The following CSMD3 variants were observed in gnomAD, a reference collection of about 807,000 sequenced individuals.
The protein encoded by CSMD3 is CUB and Sushi multiple domains 3, also known as CUB and sushi domain-containing protein 3.
In CSMD3, 177 loss-of-function variants were observed where a neutral mutation model predicts 435.2. The ratio of observed to expected loss-of-function variants is 0.41; its 90% CI spans 0.36 to 0.46. The LOEUF (loss-of-function observed/expected upper bound fraction) is 0.46, where lower values mean the gene tolerates loss of function less well. CSMD3 is among the 20% of genes least tolerant of loss of function. The pLI is 0.34. For synonymous variants in CSMD3, 1,656 were observed against 1,520.5 expected, an observed-to-expected ratio of 1.09 and a Z score of -2.07; for missense variants, 4,265 against 4,504.6, an observed-to-expected ratio of 0.95 and a Z score of 1.52.
chr8:113,043,011 T>A (rs984762818), intron 5 of CSMD3, among the ~76,000 whole-genome samples: 15 of 152,178 alleles, frequency 9.9e-5, no homozygotes, highest in Non-Finnish European at 1.9e-4. Context: ...CCTCAACATA[T>A]ATAAACAAAA....
intron 6 of CSMD3, among the ~76,000 whole-genome samples, chr8:112,981,724 T>A (rs372539659): frequency 1.1e-4 from 17 of 151,850 alleles, no homozygotes; most frequent in African/African-American, 4.1e-4. Flanking sequence ...TATTACACAA[T>A]GTTTATATGC....
chr8:112,864,783 G>C (rs1234900806), intron 10 of CSMD3, among the ~76,000 whole-genome samples: 2 of 152,078 alleles, frequency 1.3e-5, no homozygotes, highest in Admixed American at 6.6e-5. Context: ...TCATAAAAAT[G>C]CTAACATCCT....
intron 1 of CSMD3, among the ~76,000 whole-genome samples, chr8:113,355,123 T>C (rs530583260): frequency 1.8e-4 from 28 of 152,336 alleles, no homozygotes; most frequent in African/African-American, 6.5e-4. Context: ...TTAATTCATA[T>C]ATGAACTTAT....
chr8:112,328,523 G>GC (rs1445578174), intron 45 of CSMD3, among the ~76,000 whole-genome samples: 4 of 152,142 alleles, frequency 2.6e-5, no homozygotes. Flanking sequence ...AATCAAGAGT[G>GC]AATGCTTATT....
chr8:112,525,369 A>G (rs891754138), intron 27 of CSMD3, among the ~76,000 whole-genome samples: 16 of 149,958 alleles, frequency 1.1e-4, no homozygotes, highest in African/African-American at 3.9e-4. Flanking sequence ...TATTAAATAT[A>G]CATTTTCTTA....
At chr8:112,481,699 C>G (rs1008386794) in intron 31 of CSMD3, among the ~76,000 whole-genome samples, 7 of 152,080 alleles carry the variant, frequency 4.6e-5, no homozygotes, top group Non-Finnish European at 1.0e-4. Flanking sequence ...AGCTATATCT[C>G]TCATGGAGCA....
At chr8:112,318,698 C>T (rs1822706574) in intron 47 of CSMD3, 139 bp downstream of exon 47, 1 of 645,862 alleles carries the variant, frequency 1.5e-6, no homozygotes, top group Non-Finnish European at 2.7e-6. Context: ...TGAAATAGCA[C>T]ATATGAGTTA....
intron 23 of CSMD3, among the ~76,000 whole-genome samples, chr8:112,583,858 T>C (rs908737258): frequency 6.6e-6 from 1 of 151,934 alleles, no homozygotes; most frequent in Non-Finnish European, 1.5e-5. Flanking sequence ...ATGGATGCAG[T>C]GAAATTTCCT....
chr8:112,558,164 C>A (rs1828293581), intron 24 of CSMD3, among the ~76,000 whole-genome samples: 1 of 151,888 alleles, frequency 6.6e-6, no homozygotes, highest in East Asian at 2.0e-4. Context: ...TGCCCTTCTG[C>A]CACTTTCTCT....
intron 13 of CSMD3, among the ~76,000 whole-genome samples, chr8:112,786,740 CTT>C (rs780390181): frequency 6.6e-6 from 1 of 151,942 alleles, no homozygotes; most frequent in African/African-American, 2.4e-5. Flanking sequence ...ATAAAAAAGA[CTT>C]TTTTTATTAT....
chr8:113,399,106 T>TATATATATATATATATATATATACAC (rs773585004), intron 1 of CSMD3, among the ~76,000 whole-genome samples: 2 of 95,096 alleles, frequency 2.1e-5, no homozygotes, highest in Non-Finnish European at 3.9e-5. Context: ...TATATATATA[T>TATATATATATATATATATATATACAC]ACACACACAC....
chr8:113,296,280 A>G (rs571930178), intron 2 of CSMD3, among the ~76,000 whole-genome samples: 112 of 125,676 alleles, frequency 8.9e-4, no homozygotes, highest in African/African-American at 3.1e-3. Context: ...CATGTACCCT[A>G]GAACTTAAAG....
chr8:112,900,755 G>A (rs2130435060), intron 10 of CSMD3, among the ~76,000 whole-genome samples: 1 of 151,368 alleles, frequency 6.6e-6, no homozygotes, highest in South Asian at 2.1e-4. Context: ...GGTCTCACAG[G>A]CCAACTAATG....
intron 5 of CSMD3, among the ~76,000 whole-genome samples, chr8:113,089,533 T>C (rs1040616270): frequency 1.3e-5 from 2 of 152,130 alleles, no homozygotes; most frequent in African/African-American, 4.8e-5. Flanking sequence ...GTTAAATACA[T>C]GGAAGAAAAA....
intron 5 of CSMD3, among the ~76,000 whole-genome samples, chr8:113,090,092 T>G (rs1195306793): frequency 4.0e-5 from 6 of 151,630 alleles, no homozygotes; most frequent in African/African-American, 2.4e-5. Flanking sequence ...GCTTTTATGC[T>G]TTTTTTGTAT....
chr8:112,314,637 T>A lies in CSMD3; in HGVS notation c.7361-20A>T, dbSNP rs924097965. 6.3e-7 allele frequency: 1 copy of A among 1,576,236 alleles called. No individual in the cohort carries two copies. The highest frequency in any genetic ancestry group is 1.1e-5 in the South Asian group (1 of 90,226). ...AGAGCACTGTCAAAGAAAAATGTCA[T>A]TAAATAATGCCAGTCTTTTAGAGCC... On this transcript the variant is annotated intron_variant, in intron 47 of 70. Coordinates refer to ENST00000297405, the MANE Select transcript of CSMD3 (RefSeq NM_198123.2).
chr8:112,619,326 T>C (rs1403453411), intron 22 of CSMD3, among the ~76,000 whole-genome samples: 3 of 151,964 alleles, frequency 2.0e-5, no homozygotes, highest in African/African-American at 4.8e-5. Context: ...AGTCATCTAG[T>C]AGCTGCCTCA....
chr8:112,598,417 C>A (rs1439310427), intron 22 of CSMD3, among the ~76,000 whole-genome samples: 2 of 149,530 alleles, frequency 1.3e-5, no homozygotes, highest in South Asian at 2.1e-4. Context: ...TAGGAAGAAT[C>A]AATATTGTGA....
intron 23 of CSMD3, among the ~76,000 whole-genome samples, chr8:112,585,192 G>A (rs7841623): frequency 0.57 from 86,610 of 150,644 alleles, 25,390 homozygotes; most frequent in African/African-American, 0.69. Flanking sequence ...TAATAATTCA[G>A]AATAAATCTC....
Sources: gnomAD v4.1 joint callset for allele counts (sites outside exome capture counted in the v4.1 genomes callset) on GRCh38, gnomAD v4.1.1 for gene constraint, MANE v1.5 for transcripts, NCBI Gene and HGNC (gene_info 2026-07-23, HGNC 2026-07-21) for gene names.